Variants in KCNIP4 observed in about 807,000 individuals in gnomAD.
KCNIP4 encodes Kv channel-interacting protein 4.
In KCNIP4, 12 loss-of-function variants were observed where a neutral mutation model predicts 34.0. That is an observed-to-expected ratio of 0.35 (90% CI 0.23 to 0.57). The LOEUF (loss-of-function observed/expected upper bound fraction) is 0.57. Ranked by LOEUF, KCNIP4 falls within the 20% of genes least tolerant of loss-of-function variation. The pLI is 0.83. For synonymous variants in KCNIP4, 124 were observed against 102.2 expected (o/e 1.21, Z -1.29); for missense variants, 238 against 311.7 (o/e 0.76, Z 1.78).
chr4:21,741,008 A>C (rs1716363102), intron 1 of KCNIP4, among the ~76,000 whole-genome samples: 1 of 152,120 alleles, frequency 6.6e-6, no homozygotes, highest in African/African-American at 2.4e-5. Flanking sequence ...ATTCAGAGGC[A>C]ATGACACAGG....
At chr4:21,303,706 A>G in intron 1 of KCNIP4, 3 of 868,596 alleles carry the variant, frequency 3.5e-6, no homozygotes, top group South Asian at 3.9e-5. Context: ...TCCCAGAGTA[A>G]CATTTCTCTG....
chr4:20,954,985 C>A (rs1042735638), intron 1 of KCNIP4, among the ~76,000 whole-genome samples: 1 of 152,142 alleles, frequency 6.6e-6, no homozygotes, highest in African/African-American at 2.4e-5. Flanking sequence ...AATCCCTTTG[C>A]AGGTAGTATT....
chr4:21,316,387 C>G (rs967777292), intron 1 of KCNIP4: 1 of 152,140 alleles, frequency 6.6e-6, no homozygotes, highest in Non-Finnish European at 1.5e-5. Context: ...GGCATGCTAT[C>G]TGGAGGGTAC....
At chr4:21,168,296 G>A (rs1031525335) in intron 1 of KCNIP4, among the ~76,000 whole-genome samples, 1 of 152,126 alleles carries the variant, frequency 6.6e-6, no homozygotes, top group Non-Finnish European at 1.5e-5. Flanking sequence ...GGAAAGTTTA[G>A]TAGTAGTGTC....
At chr4:21,190,514 G>A (rs4697212) in intron 1 of KCNIP4, among the ~76,000 whole-genome samples, 1 of 148,034 alleles carries the variant, frequency 6.8e-6, no homozygotes. Context: ...GGTGGGGGGG[G>A]GCACTGAGGG....
rs552298609 is a variant in KCNIP4, at chr4:21,919,563, C to T, written c.61+29008G>A. On this transcript the variant is annotated intron_variant, in intron 1 of 8. Coordinates refer to ENST00000382152, the MANE Select transcript of KCNIP4 (RefSeq NM_025221.6). ...CCTTTCCTCCTTGATAACAGAAATA[C>T]GATTATGTTTAAGGTGGCAATATGC... is the stretch of plus-strand genomic sequence containing the variant. Among the ~76,000 whole-genome samples the T allele has an allele frequency of 2.9e-3, 440 of 152,162 alleles. 4 individuals are homozygous for T. Among genetic ancestry groups the T allele is most frequent in the Middle Eastern group, 3.4e-3 (1 of 294 alleles).
intron 1 of KCNIP4, among the ~76,000 whole-genome samples, chr4:21,412,723 C>A (rs754436669): frequency 2.0e-5 from 3 of 152,128 alleles, no homozygotes; most frequent in Non-Finnish European, 2.9e-5. Context: ...TCCAGAAACT[C>A]CACCAGCTTT....
At chr4:21,478,824 T>C (rs143106375) in intron 1 of KCNIP4, among the ~76,000 whole-genome samples, 20 of 152,292 alleles carry the variant, frequency 1.3e-4, no homozygotes, top group African/African-American at 4.6e-4. Context: ...GAGAGCATTT[T>C]ACTAGTATGT....
intron 1 of KCNIP4, among the ~76,000 whole-genome samples, chr4:21,220,882 A>G (rs914131587): frequency 2.6e-5 from 4 of 151,844 alleles, no homozygotes; most frequent in African/African-American, 9.7e-5. Context: ...ACTTGACATT[A>G]AAAAAAAGTC....
At chr4:21,434,136 C>T (rs1318530253) in intron 1 of KCNIP4, among the ~76,000 whole-genome samples, 1 of 152,156 alleles carries the variant, frequency 6.6e-6, no homozygotes, top group African/African-American at 2.4e-5. Flanking sequence ...TATTCATGCT[C>T]TTCTATGTCA....
intron 1 of KCNIP4, among the ~76,000 whole-genome samples, chr4:21,171,639 C>T (rs1293703127): frequency 2.0e-5 from 3 of 152,164 alleles, no homozygotes; most frequent in Non-Finnish European, 4.4e-5. Context: ...GATTTGGGAA[C>T]ACCTGGATTT....
At chr4:21,220,655 G>T (rs1285017301) in intron 1 of KCNIP4, among the ~76,000 whole-genome samples, 1 of 152,034 alleles carries the variant, frequency 6.6e-6, no homozygotes, top group Non-Finnish European at 1.5e-5. Context: ...GCTACTTGAG[G>T]CTGAGCCTAG....
intron 8 of KCNIP4, 188 bp downstream of exon 8, chr4:20,731,818 C>T (rs1748311569): frequency 2.0e-6 from 2 of 985,284 alleles, no homozygotes; most frequent in Admixed American, 6.2e-5. Context: ...ACTCAGTGGG[C>T]ACTCTAAATG....
intron 1 of KCNIP4, among the ~76,000 whole-genome samples, chr4:20,927,605 C>A (rs1317586277): frequency 6.6e-6 from 1 of 152,022 alleles, no homozygotes; most frequent in Non-Finnish European, 1.5e-5. Flanking sequence ...TTAATCCTTT[C>A]CTGGAGTAAC....
chr4:21,814,701 A>G (rs953355654), intron 1 of KCNIP4, among the ~76,000 whole-genome samples: 71 of 152,194 alleles, frequency 4.7e-4, no homozygotes, highest in African/African-American at 1.6e-3. Flanking sequence ...ACATTTTCAG[A>G]CTCGTACACC....
chr4:21,575,302 A>G (rs1740671648), intron 1 of KCNIP4, among the ~76,000 whole-genome samples: 1 of 152,178 alleles, frequency 6.6e-6, no homozygotes, highest in East Asian at 1.9e-4. Context: ...AGGTTTTGAG[A>G]TAGGAAAGTT....
chr4:21,645,100 C>A (rs1272317767), intron 1 of KCNIP4, among the ~76,000 whole-genome samples: 2 of 152,084 alleles, frequency 1.3e-5, no homozygotes, highest in Non-Finnish European at 2.9e-5. Flanking sequence ...TTATTAAGTA[C>A]TTGAGTGTGT....
chr4:20,898,207 G>A (rs954055307), intron 1 of KCNIP4, among the ~76,000 whole-genome samples: 1 of 152,126 alleles, frequency 6.6e-6, no homozygotes, highest in Non-Finnish European at 1.5e-5. Flanking sequence ...TTATGCCACT[G>A]ACTTTCCTGG....
intron 1 of KCNIP4, among the ~76,000 whole-genome samples, chr4:21,665,520 C>CG (rs1553918097): frequency 6.7e-6 from 1 of 150,136 alleles, no homozygotes; most frequent in Non-Finnish European, 1.5e-5. Context: ...CACCCCCCCC[C>CG]CCTCATTTTA....
Sources: gnomAD v4.1 joint callset for allele counts (sites outside exome capture counted in the v4.1 genomes callset) on GRCh38, gnomAD v4.1.1 for gene constraint, MANE v1.5 for transcripts, NCBI Gene and HGNC (gene_info 2026-07-23, HGNC 2026-07-21) for gene names.